The following NSD2 variants were observed in gnomAD, a reference collection of about 807,000 sequenced individuals.
NSD2 encodes the protein nuclear receptor binding SET domain protein 2.
In NSD2, 12 loss-of-function variants were observed where a neutral mutation model predicts 139.0. The observed-to-expected ratio is 0.09, with a 90% CI of 0.06 to 0.14. The LOEUF (loss-of-function observed/expected upper bound fraction) is 0.14. NSD2 is among the 10% of genes least tolerant of loss of function. The pLI, the probability that NSD2 is intolerant of heterozygous loss-of-function variation, is 1.00. For synonymous variants in NSD2, 669 were observed against 648.7 expected, an observed-to-expected ratio of 1.03 and a Z score of -0.48; for missense variants, 1,155 against 1,745.0, an observed-to-expected ratio of 0.66 and a Z score of 6.02.
At chr4:1,923,230 T>C (rs1720392891) in intron 5 of NSD2, among the ~76,000 whole-genome samples, 1 of 150,514 alleles carries the variant, frequency 6.6e-6, no homozygotes, top group Admixed American at 6.7e-5. Context: ...GACTCACGCC[T>C]GTAATCCCAG....
Position 1,955,584 on chromosome 4 carries a change from A to G in NSD2, c.2519-109A>G. 1 of 1,375,220 alleles carries G rather than the reference A, an allele frequency of 7.3e-7. No individual in the cohort carries two copies. Among genetic ancestry groups the G allele is most frequent in the Non-Finnish European group, 9.6e-7 (1 of 1,037,932 alleles). 85.2% of individuals were successfully genotyped at this position (1,375,220 alleles called of 1,614,324 possible). A position where few individuals can be genotyped will look rare whatever the true frequency, so the allele number is the denominator to read the frequency against. ...CTGATGTACAGATCGCTGTTTTAAA[A>G]CTGATGTTTATAAGTTAAGGCTGTA... On this transcript the variant is annotated intron_variant, in intron 13 of 21. Coordinates refer to ENST00000508803, the MANE Select transcript of NSD2 (RefSeq NM_001042424.3). The surrounding 1 kb of genome is among the most constrained non-coding windows in gnomAD (Gnocchi z 4.7).
At position 1,976,088 on chromosome 4, in the gene NSD2, C is replaced by A. The variant is rs930247159; in HGVS notation, c.3622-387C>A. Among the ~76,000 whole-genome samples the A allele has an allele frequency of 5.9e-5, 9 of 152,196 alleles. No homozygotes were observed. The highest frequency in any genetic ancestry group is 2.2e-4 in the African/African-American group (9 of 41,450). The stretch of plus-strand genomic sequence containing the variant: ...ACTGCCCTCAGGTCACTGCCGCCCA[C>A]CTGTGCCCACGTTCCTGTGGAATTT... On this transcript the variant is annotated intron_variant, in intron 20 of 21. Transcript: ENST00000508803. This position sits in a 1 kb window ranked among gnomAD's most constrained non-coding sequence, Gnocchi z 5.3.
chr4:1,896,718 C>T (rs571290498), intron 1 of NSD2, among the ~76,000 whole-genome samples: 5 of 145,710 alleles, frequency 3.4e-5, no homozygotes, highest in Non-Finnish European at 7.6e-5. Flanking sequence ...CTCCTTCCTT[C>T]CTTTCCTTCC....
At chr4:1,932,859 G>A (rs948547827) in intron 6 of NSD2, among the ~76,000 whole-genome samples, 3 of 152,194 alleles carry the variant, frequency 2.0e-5, no homozygotes, top group Non-Finnish European at 2.9e-5. Context: ...GTGCTGTGTC[G>A]AGGATGTGCT....
chr4:1,936,757 G>C (rs1464376944), intron 7 of NSD2, among the ~76,000 whole-genome samples: 2 of 151,764 alleles, frequency 1.3e-5, no homozygotes, highest in Non-Finnish European at 2.9e-5. Flanking sequence ...ACTGATCTGA[G>C]TTAAAATGCT....
intron 4 of NSD2, 95 bp downstream of exon 4, chr4:1,917,132 A>G: frequency 2.6e-6 from 3 of 1,161,870 alleles, no homozygotes; most frequent in Non-Finnish European, 3.5e-6. Context: ...ACTTGCTCGA[A>G]ATATTGTAAT....
chr4:1,920,135 A>G (rs1719929215), intron 5 of NSD2, among the ~76,000 whole-genome samples: 1 of 152,186 alleles, frequency 6.6e-6, no homozygotes, highest in South Asian at 2.1e-4. Context: ...AAATTCTGCC[A>G]GAGAAAGGCA....
chr4:1,938,655 T>C, intron 8 of NSD2, 123 bp downstream of exon 8: 1 of 696,334 alleles, frequency 1.4e-6, no homozygotes, highest in Non-Finnish European at 2.3e-6. Context: ...AGGGGAGGAA[T>C]CCACAATTAA....
chr4:1,890,367 C>T (rs866749098), intron 1 of NSD2, among the ~76,000 whole-genome samples: 6 of 151,496 alleles, frequency 4.0e-5, no homozygotes, highest in South Asian at 2.1e-4. Context: ...GGCATGATCT[C>T]GGCTCACTGC....
chr4:1,913,165 G>A (rs1428812561), intron 3 of NSD2, among the ~76,000 whole-genome samples: 2 of 152,254 alleles, frequency 1.3e-5, no homozygotes, highest in Non-Finnish European at 2.9e-5. Flanking sequence ...GTGACCAGAA[G>A]ACGAGTGTGA....
rs1222020519 is a variant in NSD2, at chr4:1,953,483, G to C, written c.2297G>C (p.Ser766Thr). 6.2e-7 allele frequency: 1 copy of C among 1,613,868 alleles called. No homozygotes were observed. The highest frequency in any genetic ancestry group is 8.5e-7 in the Non-Finnish European group (1 of 1,179,966). ...GFRCPLHSCV[S>T]CHASNPSNPR... Reference sequence around the variant, plus strand: ...CGCTGCCCCCTCCACAGCTGTGTGAGCTGCCATGCTTCCAACCCTTCAAAC... The same window carrying C: ...CGCTGCCCCCTCCACAGCTGTGTGACCTGCCATGCTTCCAACCCTTCAAAC... The change falls in exon 12 of 22, where the codon AGC (serine) becomes ACC (threonine). Residue 766 changes from serine to threonine, a missense_variant. Physicochemically the swap from Ser to Thr is moderately conservative, Grantham distance 58. Around this residue, in one of 8 missense-constraint regions of NSD2, gnomAD observed 120 missense variants for 239.3 expected, o/e 0.50. Transcript: ENST00000508803.
chr4:1,904,518 C>A (rs878899578), intron 3 of NSD2, 140 bp downstream of exon 3: 1 of 878,460 alleles, frequency 1.1e-6, no homozygotes, highest in South Asian at 1.9e-5. Flanking sequence ...GTGATTGATT[C>A]AAGTGTGATG....
At chr4:1,943,727 A>G (rs1405465413) in intron 9 of NSD2, 2 of 1,048,018 alleles carry the variant, frequency 1.9e-6, no homozygotes, top group Non-Finnish European at 2.3e-6. Flanking sequence ...TAAAATTCTC[A>G]AAAAAAAACC....
intron 15 of NSD2, among the ~76,000 whole-genome samples, chr4:1,957,468 G>A (rs919819459): frequency 1.0e-5 from 1 of 99,752 alleles, no homozygotes; most frequent in Non-Finnish European, 2.1e-5. Flanking sequence ...TTTTTTTTTT[G>A]TAGAGAATGG....
At chr4:1,923,929 G>A (rs796742263) in intron 5 of NSD2, among the ~76,000 whole-genome samples, 1 of 152,202 alleles carries the variant, frequency 6.6e-6, no homozygotes, top group African/African-American at 2.4e-5. Flanking sequence ...CCACAACTGA[G>A]TTTAACTTAT....
chr4:1,921,914 G>A (rs564376942), intron 5 of NSD2, among the ~76,000 whole-genome samples: 1 of 152,166 alleles, frequency 6.6e-6, no homozygotes, highest in South Asian at 2.1e-4. Context: ...TTTGGAGGCC[G>A]AGGTGGGTGG....
intron 9 of NSD2, chr4:1,944,650 G>T (rs1577509124): frequency 3.8e-6 from 4 of 1,063,276 alleles, no homozygotes; most frequent in East Asian, 1.0e-4. Flanking sequence ...ATTGTAATAG[G>T]GTGGCATCTT....
chr4:1,906,502 A>C (rs554334461), intron 3 of NSD2, among the ~76,000 whole-genome samples: 1 of 152,012 alleles, frequency 6.6e-6, no homozygotes, highest in Admixed American at 6.6e-5. Context: ...GGCCTCCCAA[A>C]GTGCTGGGAT....
At position 1,980,172 on chromosome 4, in the gene NSD2, A is replaced by T. The variant is rs1727616863; in HGVS notation, c.*1263A>T. The T allele has an allele frequency of 4.3e-6, 1 of 233,312 alleles. No homozygotes were observed. The highest frequency in any genetic ancestry group is 8.5e-6 in the Non-Finnish European group (1 of 118,068). 14.5% of individuals were successfully genotyped at this position (233,312 alleles called of 1,614,324 possible). A position where few individuals can be genotyped will look rare whatever the true frequency, so the allele number is the denominator to read the frequency against. On this transcript the variant is annotated 3_prime_UTR_variant, in exon 22 of 22. Coordinates refer to ENST00000508803, the MANE Select transcript of NSD2 (RefSeq NM_001042424.3). ...GGCACTGGTCTAGGCCAGGTATGAC[A>T]CCCACTCTCCTGTGAGATTTCACTT...
Sources: allele counts gnomAD v4.1 joint callset (sites outside exome capture counted in the v4.1 genomes callset), GRCh38; gene constraint gnomAD v4.1.1; regional missense constraint gnomAD v4.1.1; non-coding constraint Gnocchi (gnomAD v3.1); transcripts MANE v1.5; gene names NCBI Gene and HGNC (gene_info 2026-07-23, HGNC 2026-07-21).